CSTPP1: variants seen among roughly 807,000 people sequenced by gnomAD.
The protein encoded by CSTPP1 is UPF0705 protein C11orf49.
the CSTPP1 span, among the ~76,000 whole-genome samples, chr11:47,051,271 A>G: frequency 6.6e-6 from 1 of 152,182 alleles, no homozygotes; most frequent in East Asian, 1.9e-4. Context: ...TCTGGAACCT[A>G]AAGTTCACTC....
At chr11:47,043,812 C>T in the CSTPP1 span, among the ~76,000 whole-genome samples, 1 of 151,938 alleles carries the variant, frequency 6.6e-6, no homozygotes, top group East Asian at 1.9e-4. Context: ...GGCAACATGG[C>T]GAAACCCTGT....
the CSTPP1 span, among the ~76,000 whole-genome samples, chr11:47,027,568 G>A: frequency 6.6e-6 from 1 of 152,128 alleles, no homozygotes; most frequent in Non-Finnish European, 1.5e-5. Context: ...AGTGATCAAG[G>A]AAAGAAACTA....
the CSTPP1 span, among the ~76,000 whole-genome samples, chr11:47,000,543 T>G: frequency 6.6e-6 from 1 of 152,186 alleles, no homozygotes; most frequent in Admixed American, 6.5e-5. Context: ...TTGGTGAAGT[T>G]TTTATGATGA....
chr11:46,992,184 A>G, the CSTPP1 span, among the ~76,000 whole-genome samples: 1 of 152,042 alleles, frequency 6.6e-6, no homozygotes, highest in South Asian at 2.1e-4. Context: ...ATTTTGTTAT[A>G]ATAAGGACTA....
the CSTPP1 span, among the ~76,000 whole-genome samples, chr11:47,142,784 G>T: frequency 6.6e-6 from 1 of 152,136 alleles, no homozygotes. Context: ...GTAGAATCCT[G>T]TAAGAACCAA....
At chr11:47,050,870 C>T in the CSTPP1 span, among the ~76,000 whole-genome samples, 1 of 152,200 alleles carries the variant, frequency 6.6e-6, no homozygotes, top group Admixed American at 6.5e-5. Flanking sequence ...CCGCATACTT[C>T]CTCAGGGTGT....
chr11:47,129,289 T>C, the CSTPP1 span, among the ~76,000 whole-genome samples: 12 of 152,158 alleles, frequency 7.9e-5, no homozygotes, highest in Non-Finnish European at 1.6e-4. Flanking sequence ...GTCACTTCTT[T>C]GATGGGCTGC....
the CSTPP1 span, chr11:47,161,477 C>T: frequency 6.2e-7 from 1 of 1,613,972 alleles, no homozygotes; most frequent in Non-Finnish European, 8.5e-7. Context: ...GGCCCAGGTC[C>T]CAGGCCTGGT....
the CSTPP1 span, among the ~76,000 whole-genome samples, chr11:47,140,067 G>C: frequency 6.6e-6 from 1 of 152,160 alleles, no homozygotes; most frequent in African/African-American, 2.4e-5. Context: ...CCAGCCTCAC[G>C]GTGGGGCACG....
At chr11:47,138,979 CAAAAAAAAAAAAAAA>C in the CSTPP1 span, among the ~76,000 whole-genome samples, 12 of 40,902 alleles carry the variant, frequency 2.9e-4, no homozygotes, top group South Asian at 3.4e-3. Context: ...GACTCCGTCT[CAAAAAAAAAAAAAAA>C]AAAAAAAAAA....
At chr11:47,037,972 G>T in the CSTPP1 span, among the ~76,000 whole-genome samples, 65 of 123,972 alleles carry the variant, frequency 5.2e-4, 9 homozygotes, top group East Asian at 0.012. Context: ...GCCGGGCAGA[G>T]GGCTGACCCC....
At chr11:47,096,468 T>C in the CSTPP1 span, among the ~76,000 whole-genome samples, 3 of 152,206 alleles carry the variant, frequency 2.0e-5, no homozygotes, top group East Asian at 5.8e-4. Flanking sequence ...AAAGCTTAAT[T>C]GCTTTCTTGC....
At chr11:47,161,347 T>G in the CSTPP1 span, 140 of 1,585,776 alleles carry the variant, frequency 8.8e-5, no homozygotes, top group African/African-American at 1.8e-3. Context: ...TCCCTCCCTC[T>G]GAGTCCTTTG....
the CSTPP1 span, among the ~76,000 whole-genome samples, chr11:46,992,349 A>G: frequency 6.6e-6 from 1 of 151,422 alleles, no homozygotes; most frequent in Non-Finnish European, 1.5e-5. Context: ...TTAACTTGTC[A>G]TTTACATTGG....
the CSTPP1 span, among the ~76,000 whole-genome samples, chr11:47,153,654 G>A: frequency 6.6e-5 from 10 of 152,302 alleles, no homozygotes; most frequent in Non-Finnish European, 1.0e-4. Context: ...TTTAACGAAT[G>A]CAGTTAAATA....
chr11:47,122,869 G>A, the CSTPP1 span, among the ~76,000 whole-genome samples: 27 of 152,168 alleles, frequency 1.8e-4, no homozygotes, highest in Admixed American at 1.8e-3. Context: ...ATGAGCCACT[G>A]CAGCCAACCA....
the CSTPP1 span, among the ~76,000 whole-genome samples, chr11:47,017,469 G>A: frequency 9.3e-5 from 14 of 150,468 alleles, no homozygotes; most frequent in African/African-American, 3.2e-4. Context: ...CACAGTGCCC[G>A]ACCAGTTCTA....
the CSTPP1 span, among the ~76,000 whole-genome samples, chr11:46,952,716 T>C: frequency 3.7e-4 from 57 of 152,366 alleles, no homozygotes; most frequent in African/African-American, 1.3e-3. Flanking sequence ...ATGTTGCCTG[T>C]CATTTCTCTG....
the CSTPP1 span, among the ~76,000 whole-genome samples, chr11:47,068,728 T>C: frequency 6.6e-6 from 1 of 152,188 alleles, no homozygotes; most frequent in Non-Finnish European, 1.5e-5. Context: ...TTCCATTTTA[T>C]AATTATCAAG....
Sources: gnomAD v4.1 joint callset for allele counts (sites outside exome capture counted in the v4.1 genomes callset) on GRCh38, gnomAD v4.1.1 for gene constraint, MANE v1.5 for transcripts, NCBI Gene and HGNC (gene_info 2026-07-23, HGNC 2026-07-21) for gene names.